Variants in PDE4B observed in about 807,000 individuals in gnomAD.
PDE4B encodes phosphodiesterase 4B, also known as 3',5'-cyclic-AMP phosphodiesterase 4B.
In PDE4B, 20 loss-of-function variants were observed where a neutral mutation model predicts 82.2. The ratio of observed to expected loss-of-function variants is 0.24; its 90% CI spans 0.17 to 0.35. The LOEUF (loss-of-function observed/expected upper bound fraction) is 0.35. Among genes scored for constraint, PDE4B ranks in the 10% least tolerant of loss-of-function variants. PDE4B has a pLI of 1.00. For missense variants in PDE4B, 655 were observed against 907.2 expected, an observed-to-expected ratio of 0.72 and a Z score of 3.57; for synonymous variants, 320 against 318.9, an observed-to-expected ratio of 1.00 and a Z score of -0.04.
intron 1 of PDE4B, among the ~76,000 whole-genome samples, chr1:65,830,542 CTG>C (rs1448566154): frequency 6.6e-6 from 1 of 152,210 alleles, no homozygotes; most frequent in Non-Finnish European, 1.5e-5. Context: ...CACTTCAACT[CTG>C]TGGCCTTCTT....
chr1:66,051,981 T>A (rs974133385), intron 3 of PDE4B, among the ~76,000 whole-genome samples: 6 of 132,784 alleles, frequency 4.5e-5, no homozygotes, highest in Non-Finnish European at 9.7e-5. Flanking sequence ...TATGGCCATC[T>A]TCTGAGGTTC....
At chr1:66,350,581 G>C (rs1408598599) in intron 8 of PDE4B, among the ~76,000 whole-genome samples, 2 of 152,010 alleles carry the variant, frequency 1.3e-5, no homozygotes, top group African/African-American at 4.8e-5. Context: ...CTTTATACTA[G>C]CTTCCTGTGT....
intron 3 of PDE4B, among the ~76,000 whole-genome samples, chr1:65,923,781 G>C (rs1647343423): frequency 6.6e-6 from 1 of 152,094 alleles, no homozygotes; most frequent in Non-Finnish European, 1.5e-5. Context: ...GATTTGGGCA[G>C]TTGAACTTTG....
chr1:66,089,482 C>T (rs1307771113), intron 3 of PDE4B, among the ~76,000 whole-genome samples: 1 of 152,002 alleles, frequency 6.6e-6, no homozygotes, highest in Non-Finnish European at 1.5e-5. Flanking sequence ...AGTGGTCATG[C>T]TGACATAGAT....
Position 66,363,317 on chromosome 1 carries a change from AT to A in PDE4B, c.1119+61del, listed in dbSNP as rs144133808. ...CTTTCCAATTGGATGGCTCTTTATG[AT>A]TTTTTTTTTCCATCTTACTTTTCTG... is the stretch of plus-strand genomic sequence containing the variant. On this transcript the variant is annotated intron_variant, in intron 11 of 16. Coordinates refer to ENST00000341517, the MANE Select transcript of PDE4B (RefSeq NM_002600.4). The A allele has an allele frequency of 6.1e-3, 8,857 of 1,459,308 alleles. 276 individuals are homozygous for A. The African/African-American group carries it at 0.09, about 15-fold the overall frequency. 90.4% of individuals were successfully genotyped at this position (1,459,308 alleles called of 1,614,324 possible). A position where few individuals can be genotyped will look rare whatever the true frequency, so the allele number is the denominator to read the frequency against.
intron 7 of PDE4B, among the ~76,000 whole-genome samples, chr1:66,306,471 T>C (rs1658285636): frequency 6.6e-6 from 1 of 151,970 alleles, no homozygotes; most frequent in Middle Eastern, 3.2e-3. Flanking sequence ...ATTTTTGAGA[T>C]AGAAACTCCG....
At chr1:65,961,533 T>C (rs1649540794) in intron 3 of PDE4B, among the ~76,000 whole-genome samples, 3 of 152,204 alleles carry the variant, frequency 2.0e-5, no homozygotes. Context: ...GTACTTGCCA[T>C]GTGCTATATT....
chr1:65,885,377 T>C (rs192652665), intron 1 of PDE4B, among the ~76,000 whole-genome samples: 1 of 152,040 alleles, frequency 6.6e-6, no homozygotes. Context: ...ACCCAAAGGA[T>C]TATAAATCAT....
At chr1:66,266,675 A>G (rs757884612) in intron 7 of PDE4B, 4 of 527,670 alleles carry the variant, frequency 7.6e-6, no homozygotes, top group South Asian at 5.7e-5. Context: ...CTTTCAGGAC[A>G]GTGCATCCAC....
chr1:66,365,307 G>C (rs1663156036), intron 12 of PDE4B, among the ~76,000 whole-genome samples: 1 of 152,182 alleles, frequency 6.6e-6, no homozygotes, highest in African/African-American at 2.4e-5. Context: ...AGCAGAGCCA[G>C]TCTGACTTGC....
intron 1 of PDE4B, among the ~76,000 whole-genome samples, chr1:65,796,921 T>C (rs1197216461): frequency 6.6e-6 from 1 of 151,840 alleles, no homozygotes; most frequent in African/African-American, 2.4e-5. Context: ...AGTGCTGGGA[T>C]TACAGGCTTG....
chr1:65,813,070 T>C (rs1345188053), intron 1 of PDE4B, among the ~76,000 whole-genome samples: 1 of 152,146 alleles, frequency 6.6e-6, no homozygotes, highest in East Asian at 1.9e-4. Context: ...GGCAGAGAGT[T>C]AGGAGGCTAC....
At chr1:66,002,931 A>G (rs1261259062) in intron 3 of PDE4B, among the ~76,000 whole-genome samples, 2 of 152,320 alleles carry the variant, frequency 1.3e-5, no homozygotes, top group East Asian at 3.9e-4. Context: ...ATAATGTATT[A>G]AAGTACTTAG....
chr1:66,025,797 A>G (rs1268232975), intron 3 of PDE4B, among the ~76,000 whole-genome samples: 1 of 152,216 alleles, frequency 6.6e-6, no homozygotes, highest in African/African-American at 2.4e-5. Context: ...TATCCCATGT[A>G]CTTAGGTACA....
At chr1:65,797,552 T>A (rs571078510) in intron 1 of PDE4B, among the ~76,000 whole-genome samples, 37 of 152,268 alleles carry the variant, frequency 2.4e-4, no homozygotes, top group African/African-American at 8.9e-4. Flanking sequence ...GTCTGGTGCT[T>A]CCGGGGCTCC....
chr1:66,247,436 A>G (rs377185829), intron 3 of PDE4B, 24 bp from the exon 4 acceptor site: 149 of 1,524,252 alleles, frequency 9.8e-5, no homozygotes, highest in Non-Finnish European at 1.2e-4. Flanking sequence ...TCATGTGACC[A>G]GAGTTTCCCA....
intron 1 of PDE4B, among the ~76,000 whole-genome samples, chr1:65,840,695 C>T (rs1571000674): frequency 1.3e-5 from 2 of 152,156 alleles, no homozygotes; most frequent in African/African-American, 2.4e-5. Flanking sequence ...GTGCTGGGCA[C>T]TGGATGAATT....
chr1:66,000,931 T>C (rs887837180), intron 3 of PDE4B, among the ~76,000 whole-genome samples: 1 of 152,210 alleles, frequency 6.6e-6, no homozygotes, highest in East Asian at 1.9e-4. Flanking sequence ...ATCTGTTTCC[T>C]GGTTCTCGGT....
At chr1:65,891,179 T>C (rs927194186) in intron 1 of PDE4B, among the ~76,000 whole-genome samples, 29 of 152,276 alleles carry the variant, frequency 1.9e-4, no homozygotes, top group African/African-American at 6.7e-4. Flanking sequence ...GGTGTATTGC[T>C]ACAGGACCCT....
Sources: gnomAD v4.1 joint callset for allele counts (sites outside exome capture counted in the v4.1 genomes callset) on GRCh38, gnomAD v4.1.1 for gene constraint, MANE v1.5 for transcripts, NCBI Gene and HGNC (gene_info 2026-07-23, HGNC 2026-07-21) for gene names.